LRRC3B: variants seen among roughly 807,000 people sequenced by gnomAD.
The protein encoded by LRRC3B is leucine rich repeat containing 3B, also known as leucine-rich repeat-containing protein 3B.
A neutral mutation model predicts 12.8 loss-of-function variants in LRRC3B; 2 were observed. That is an observed-to-expected ratio of 0.16 (90% CI 0.06 to 0.49). The LOEUF (loss-of-function observed/expected upper bound fraction) is 0.49, where lower values mean the gene tolerates loss of function less well. Ranked by LOEUF, LRRC3B falls within the 20% of genes least tolerant of loss-of-function variation. The probability of loss-of-function intolerance (pLI) is 0.96; values close to 1 mark genes in which losing one functional copy is unlikely to be tolerated. For missense variants in LRRC3B, 189 were observed against 319.4 expected (o/e 0.59, Z 3.11); for synonymous variants, 132 against 122.0 (o/e 1.08, Z -0.54).
intron 1 of LRRC3B, among the ~76,000 whole-genome samples, chr3:26,668,798 C>G (rs1170493987): frequency 6.6e-6 from 1 of 152,158 alleles, no homozygotes; most frequent in Non-Finnish European, 1.5e-5. Flanking sequence ...AGTGTATGAT[C>G]CTCTGGCTCC....
At chr3:26,635,462 T>TACAAGAAAAGACGA (rs1186999040) in intron 1 of LRRC3B, among the ~76,000 whole-genome samples, 1 of 152,188 alleles carries the variant, frequency 6.6e-6, no homozygotes, top group East Asian at 1.9e-4. Flanking sequence ...TTAGTGTTCT[T>TACAAGAAAAGACGA]ACAAGAAAAG....
chr3:26,685,003 G>C (rs991683320), intron 1 of LRRC3B, among the ~76,000 whole-genome samples: 6 of 151,954 alleles, frequency 3.9e-5, no homozygotes, highest in African/African-American at 1.5e-4. Flanking sequence ...GCCCAGGCTG[G>C]AGTGCAGTGG....
intron 1 of LRRC3B, chr3:26,701,135 C>T (rs946125661): frequency 6.6e-5 from 10 of 152,120 alleles, no homozygotes; most frequent in Non-Finnish European, 1.5e-4. Flanking sequence ...AAAAATTAAT[C>T]ATGATCATTT....
chr3:26,657,868 T>G (rs756831399), intron 1 of LRRC3B, among the ~76,000 whole-genome samples: 3 of 152,200 alleles, frequency 2.0e-5, no homozygotes, highest in Non-Finnish European at 2.9e-5. Context: ...CTTATTTTTC[T>G]GGGTTGTTGC....
intron 1 of LRRC3B, among the ~76,000 whole-genome samples, chr3:26,643,044 A>G (rs775328909): frequency 6.6e-6 from 1 of 151,538 alleles, no homozygotes; most frequent in Non-Finnish European, 1.5e-5. Flanking sequence ...TACCAGGAGC[A>G]TTCAAGTGTG....
At chr3:26,668,031 G>T (rs944165195) in intron 1 of LRRC3B, among the ~76,000 whole-genome samples, 1 of 151,994 alleles carries the variant, frequency 6.6e-6, no homozygotes. Flanking sequence ...CATAAGTAAT[G>T]TTTTGGACAT....
intron 1 of LRRC3B, among the ~76,000 whole-genome samples, chr3:26,668,767 G>A (rs566817018): frequency 8.4e-4 from 128 of 152,288 alleles, no homozygotes; most frequent in Admixed American, 1.4e-3. Flanking sequence ...ATTTTAGCCA[G>A]CAATGAACAG....
At chr3:26,636,366 T>G (rs1445647462) in intron 1 of LRRC3B, among the ~76,000 whole-genome samples, 1 of 152,214 alleles carries the variant, frequency 6.6e-6, no homozygotes, top group African/African-American at 2.4e-5. Context: ...TGCTTTCTTG[T>G]TGCTCTTAGA....
intron 1 of LRRC3B, among the ~76,000 whole-genome samples, chr3:26,696,760 A>G (rs1297598067): frequency 2.6e-5 from 4 of 152,182 alleles, no homozygotes; most frequent in African/African-American, 9.7e-5. Flanking sequence ...ATCATAATTT[A>G]ACTTTCTATG....
At chr3:26,654,986 T>C (rs959028849) in intron 1 of LRRC3B, among the ~76,000 whole-genome samples, 1 of 152,218 alleles carries the variant, frequency 6.6e-6, no homozygotes, top group African/African-American at 2.4e-5. Context: ...TTAAATTACT[T>C]AGTTTTACTT....
In LRRC3B at chr3:26,679,237, A is replaced by G. The variant is rs116068927; in HGVS notation, c.-160-30276A>G. On this transcript the variant is annotated intron_variant, in intron 1 of 1. Transcript: ENST00000396641. ...TAGTCTTGGTGTGACCGCAACAGCC[A>G]GAGTGATCTTTTCAATATGTAAATC... Among the ~76,000 whole-genome samples the G allele has an allele frequency of 7.3e-3, 1,110 of 152,344 alleles. 17 individuals carry two copies. The highest frequency in any genetic ancestry group is 0.025 in the African/African-American group (1,045 of 41,584).
At chr3:26,644,567 A>G (rs1011794320) in intron 1 of LRRC3B, among the ~76,000 whole-genome samples, 1 of 152,202 alleles carries the variant, frequency 6.6e-6, no homozygotes, top group Non-Finnish European at 1.5e-5. Flanking sequence ...AGGGTAAAAA[A>G]CCATGCTGGA....
rs1699150372 is a variant in LRRC3B at position 26,646,598 on chromosome 3, T to TTAAA, written c.-161+23361_-161+23362insTAAA. ...CCCAGAGGCCACTAAGGATAGGAGG[T>TTAAA]AAAAAAAAAAAAAAAAAAAAAAAAA... On this transcript the variant is annotated intron_variant, in intron 1 of 1. Transcript: ENST00000396641. Among the ~76,000 whole-genome samples the TTAAA allele has an allele frequency of 7.0e-5, 7 of 99,664 alleles. 1 individual carries two copies. The East Asian group carries it at 1.5e-3, about 22-fold the overall frequency. 65.4% of individuals were successfully genotyped at this position (99,664 alleles called of 152,430 possible). A position where few individuals can be genotyped will look rare whatever the true frequency, so the allele number is the denominator to read the frequency against.
intron 1 of LRRC3B, among the ~76,000 whole-genome samples, chr3:26,698,853 C>T (rs1009904449): frequency 1.4e-4 from 22 of 152,002 alleles, no homozygotes; most frequent in African/African-American, 3.9e-4. Context: ...TTTTAAGAAA[C>T]GTAAATTTGA....
chr3:26,667,644 C>G (rs1699633790), intron 1 of LRRC3B, among the ~76,000 whole-genome samples: 1 of 152,102 alleles, frequency 6.6e-6, no homozygotes, highest in South Asian at 2.1e-4. Flanking sequence ...GGAGGGTGTG[C>G]CTTGTCTCTT....
intron 1 of LRRC3B, among the ~76,000 whole-genome samples, chr3:26,693,891 A>G (rs1700246583): frequency 6.6e-6 from 1 of 152,246 alleles, no homozygotes; most frequent in African/African-American, 2.4e-5. Context: ...TTGAAACACA[A>G]TAGTCCATTC....
intron 1 of LRRC3B, among the ~76,000 whole-genome samples, chr3:26,683,484 G>A (rs1293437186): frequency 6.6e-6 from 1 of 152,194 alleles, no homozygotes; most frequent in African/African-American, 2.4e-5. Context: ...GAAAAGATAT[G>A]CTATGAGTTG....
chr3:26,707,425 T>G (rs1219615155), intron 1 of LRRC3B, among the ~76,000 whole-genome samples: 1 of 152,118 alleles, frequency 6.6e-6, no homozygotes, highest in East Asian at 1.9e-4. Context: ...GTGTACTTTT[T>G]ATTTTTTTAA....
chr3:26,706,421 T>A (rs553158947), intron 1 of LRRC3B, among the ~76,000 whole-genome samples: 23 of 152,292 alleles, frequency 1.5e-4, no homozygotes, highest in Admixed American at 1.2e-3. Context: ...CTCAGCAATA[T>A]AGCCAAATCC....
Sources: allele counts gnomAD v4.1 joint callset (sites outside exome capture counted in the v4.1 genomes callset), GRCh38; gene constraint gnomAD v4.1.1; transcripts MANE v1.5; gene names NCBI Gene and HGNC (gene_info 2026-07-23, HGNC 2026-07-21).